ZNF33B: variants seen among roughly 807,000 people sequenced by gnomAD.
ZNF33B encodes the protein zinc finger protein 11b (KOX 2).
A neutral mutation model predicts 45.8 loss-of-function variants in ZNF33B; 29 were observed. The observed-to-expected ratio is 0.63, with a 90% CI of 0.47 to 0.86. The LOEUF (loss-of-function observed/expected upper bound fraction) is 0.86. ZNF33B is among the 40% of genes least tolerant of loss of function. The pLI is 0.00. For synonymous variants in ZNF33B, 305 were observed against 307.8 expected, an observed-to-expected ratio of 0.99 and a Z score of 0.10; for missense variants, 831 against 909.9, an observed-to-expected ratio of 0.91 and a Z score of 1.12.
intron 4 of ZNF33B, among the ~76,000 whole-genome samples, chr10:42,623,072 G>C (rs1036218392): frequency 6.6e-6 from 1 of 152,184 alleles, no homozygotes; most frequent in Non-Finnish European, 1.5e-5. Flanking sequence ...TTCAAGACAA[G>C]CCTGGCCAAC....
At chr10:42,574,936 C>G (rs1191105004) in intron 1 of ZNF33B, among the ~76,000 whole-genome samples, 3 of 152,122 alleles carry the variant, frequency 2.0e-5, no homozygotes, top group Non-Finnish European at 4.4e-5. Flanking sequence ...GAGGGAGATG[C>G]CTCTACATTA....
intron 4 of ZNF33B, among the ~76,000 whole-genome samples, chr10:42,606,723 T>C (rs1033913731): frequency 1.3e-5 from 2 of 150,858 alleles, no homozygotes; most frequent in Non-Finnish European, 2.9e-5. Flanking sequence ...AGAGGATGGG[T>C]CAACCACCAT....
At chr10:42,635,753 T>C (rs1458346118) in intron 2 of ZNF33B, among the ~76,000 whole-genome samples, 1 of 146,878 alleles carries the variant, frequency 6.8e-6, no homozygotes, top group Admixed American at 7.0e-5. Context: ...GAGGTTGCAG[T>C]GAGCCGAGAT....
chr10:42,637,301 GA>G (rs1365873222), intron 1 of ZNF33B, among the ~76,000 whole-genome samples: 1 of 152,114 alleles, frequency 6.6e-6, no homozygotes, highest in Non-Finnish European at 1.5e-5. Context: ...TACATTTAAT[GA>G]AAAAACATTA....
intron 4 of ZNF33B, among the ~76,000 whole-genome samples, chr10:42,596,724 T>C (rs1457593996): frequency 3.3e-5 from 5 of 152,108 alleles, no homozygotes; most frequent in African/African-American, 1.2e-4. Context: ...CTTTTAAAAA[T>C]TGCAATTTCC....
At chr10:42,628,249 C>T (rs1838899080) in intron 4 of ZNF33B, among the ~76,000 whole-genome samples, 2 of 152,422 alleles carry the variant, frequency 1.3e-5, no homozygotes, top group Admixed American at 1.3e-4. Context: ...CTCCTGACCT[C>T]AAGCAATCTG....
chr10:42,617,334 G>A (rs1398076953), intron 4 of ZNF33B, among the ~76,000 whole-genome samples: 3 of 151,276 alleles, frequency 2.0e-5, no homozygotes, highest in Non-Finnish European at 4.4e-5. Flanking sequence ...AAACTCCTGA[G>A]CTCAAGTGAT....
In ZNF33B at chr10:42,592,890, T is replaced by C; in HGVS notation, c.2060A>G (p.His687Arg). 1 of 1,614,148 alleles carries C rather than the reference T, an allele frequency of 6.2e-7. No individual in the cohort carries two copies. Among genetic ancestry groups the C allele is most frequent in the African/African-American group, 1.3e-5 (1 of 75,052 alleles). Residue 687 changes from histidine to arginine, a missense_variant, in exon 5 of 5, where the codon CAC becomes CGC. His to Arg is a conservative substitution (Grantham distance 29, BLOSUM62 0). Coordinates refer to ENST00000359467, the MANE Select transcript of ZNF33B (RefSeq NM_006955.3). The part of the protein sequence containing the change: ...KSGLILHERK[H>R]TGEKPYECNE... ...GCATTCATAGGGTTTCTCCCCCGTG[T>C]GCTTTCTCTCATGTAAAATAAGTCC...
intron 4 of ZNF33B, among the ~76,000 whole-genome samples, chr10:42,604,144 C>A (rs547617807): frequency 2.6e-5 from 4 of 152,186 alleles, no homozygotes; most frequent in African/African-American, 4.8e-5. Context: ...CCTCAAAGCA[C>A]TTATTTTAAA....
intron 4 of ZNF33B, among the ~76,000 whole-genome samples, chr10:42,625,038 T>TTATATATATATATA (rs58614890): frequency 9.6e-5 from 14 of 145,560 alleles, no homozygotes; most frequent in Admixed American, 2.1e-4. Context: ...GTTTCATATT[T>TTATATATATATATA]TATATATATA....
chr10:42,621,420 A>G (rs1356402940), intron 4 of ZNF33B, among the ~76,000 whole-genome samples: 1 of 152,130 alleles, frequency 6.6e-6, no homozygotes, highest in Non-Finnish European at 1.5e-5. Context: ...ATACACACAC[A>G]CACAAATACC....
chr10:42,618,697 G>A (rs1838437758), intron 4 of ZNF33B, among the ~76,000 whole-genome samples: 1 of 152,164 alleles, frequency 6.6e-6, no homozygotes, highest in Non-Finnish European at 1.5e-5. Context: ...CTATGAGTTT[G>A]CTGAGCTTCT....
chr10:42,605,337 GA>G (rs1651003723), intron 4 of ZNF33B: 1 of 148,572 alleles, frequency 6.7e-6, no homozygotes, highest in African/African-American at 2.5e-5. Context: ...AAAGCATCAA[GA>G]GAAATACAAC....
intron 4 of ZNF33B, among the ~76,000 whole-genome samples, chr10:42,600,195 G>A (rs1837561397): frequency 6.6e-6 from 1 of 152,010 alleles, no homozygotes; most frequent in Non-Finnish European, 1.5e-5. Context: ...GTGTGCAGAA[G>A]AATATTTTAT....
downstream of ZNF33B, among the ~76,000 whole-genome samples, chr10:42,585,620 C>T (rs957994029): frequency 6.6e-6 from 1 of 152,160 alleles, no homozygotes; most frequent in Non-Finnish European, 1.5e-5. Context: ...ACATGTAATC[C>T]TCCCTTTAAA....
Position 42,593,921 on chromosome 10 carries a change from A to T in ZNF33B, c.1029T>A (p.His343Gln). The T allele has an allele frequency of 6.2e-7, 1 of 1,613,978 alleles. No homozygotes were observed. The highest frequency in any genetic ancestry group is 8.5e-7 in the Non-Finnish European group (1 of 1,179,924). ...TGTGCACCCTCTGATGTCGAGTGAG[A>T]TGTGACTTCTCCCAGAAAGCTTTCC... ...ECGKAFWEKSHLTRHQRVHTG... is the reference protein window; with the variant it reads ...ECGKAFWEKSQLTRHQRVHTG... Residue 343 changes from histidine to glutamine, a missense_variant, in exon 5 of 5, where the codon CAT (histidine) becomes CAA (glutamine). Coordinates refer to ENST00000359467, the MANE Select transcript of ZNF33B (RefSeq NM_006955.3).
At position 42,638,564 on chromosome 10, in the gene ZNF33B, CAAAAG is replaced by C. The variant is rs1325265545; in HGVS notation, c.-140_-136del. On this transcript the variant is annotated 5_prime_UTR_variant, in exon 1 of 5. Coordinates refer to ENST00000359467, the MANE Select transcript of ZNF33B (RefSeq NM_006955.3). The stretch of plus-strand genomic sequence containing the variant: ...CCTCCCACGCAAAACGTGAGACAAA[CAAAAG>C]GAAAGGCGGAAACGCAGAAACGCAG... 2.1e-6 allele frequency: 1 copy of C among 475,178 alleles called. No individual in the cohort carries two copies. The highest frequency in any genetic ancestry group is 4.2e-6 in the Non-Finnish European group (1 of 237,860). The allele number at this position is 475,178 out of a possible 1,614,324, so 29.4% of individuals were successfully genotyped here. A position where few individuals can be genotyped will look rare whatever the true frequency, so the allele number is the denominator to read the frequency against.
downstream of ZNF33B, among the ~76,000 whole-genome samples, chr10:42,586,097 C>T (rs1481693181): frequency 1.3e-5 from 2 of 151,974 alleles, no homozygotes; most frequent in East Asian, 3.9e-4. Flanking sequence ...GGTGTGCATA[C>T]TCCAAACCCA....
At chr10:42,577,778 A>G (rs1347616068) in intron 1 of ZNF33B, among the ~76,000 whole-genome samples, 1 of 152,094 alleles carries the variant, frequency 6.6e-6, no homozygotes, top group East Asian at 1.9e-4. Context: ...GCTTGTAGAT[A>G]ATGTATGCTT....
Sources: gnomAD v4.1 joint callset for allele counts (sites outside exome capture counted in the v4.1 genomes callset) on GRCh38, gnomAD v4.1.1 for gene constraint, MANE v1.5 for transcripts, NCBI Gene and HGNC (gene_info 2026-07-23, HGNC 2026-07-21) for gene names.